Variants in TTYH2 observed in about 807,000 individuals in gnomAD.
TTYH2 encodes the protein protein tweety homolog 2.
TTYH2 carries 49 observed loss-of-function variants against 68.3 expected under a neutral mutation model. That is an observed-to-expected ratio of 0.72 (90% CI 0.57 to 0.91). The LOEUF is 0.91. TTYH2 is among the 40% of genes least tolerant of loss of function. The pLI is 0.00. For missense variants in TTYH2, 631 were observed against 700.4 expected (o/e 0.90, Z 1.12); for synonymous variants, 272 against 300.8 (o/e 0.90, Z 0.99).
chr17:74,234,340 G>A (rs1177675283), intron 3 of TTYH2, among the ~76,000 whole-genome samples: 1 of 152,192 alleles, frequency 6.6e-6, no homozygotes, highest in Non-Finnish European at 1.5e-5. Flanking sequence ...TGTCCCTCCT[G>A]TTCTCAGAGC....
chr17:74,233,291 A>C (rs768416881), intron 3 of TTYH2, among the ~76,000 whole-genome samples: 2 of 152,132 alleles, frequency 1.3e-5, no homozygotes, highest in Non-Finnish European at 2.9e-5. Context: ...GACACCCAGC[A>C]CACCAGTCCT....
At chr17:74,252,014 A>G in intron 10 of TTYH2, 1 of 584,076 alleles carries the variant, frequency 1.7e-6, no homozygotes. Flanking sequence ...CCCAGCTCAC[A>G]GTAAGTGCTC....
At chr17:74,231,413 G>C (rs995110269) in intron 3 of TTYH2, among the ~76,000 whole-genome samples, 1 of 152,206 alleles carries the variant, frequency 6.6e-6, no homozygotes, top group Non-Finnish European at 1.5e-5. Flanking sequence ...ACAACTGAGG[G>C]CTGGGCGTGG....
intron 10 of TTYH2, 173 bp downstream of exon 10, chr17:74,250,530 G>A (rs2050612537): frequency 5.0e-6 from 3 of 605,552 alleles, no homozygotes. Context: ...CTTCTCCAGG[G>A]GCTGAGACAG....
chr17:74,237,364 C>A lies in TTYH2; in HGVS notation c.485C>A (p.Ala162Asp). 6.2e-7 allele frequency: 1 copy of A among 1,614,192 alleles called. No individual in the cohort carries two copies. Among genetic ancestry groups the A allele is most frequent in the South Asian group, 1.1e-5 (1 of 91,084 alleles). The part of the protein sequence containing the change: ...QHLARLSEIF[A>D]ARGDYLQTLK... ...CTGGCCCGGCTCAGTGAGATCTTTG[C>A]TGCCCGGGGCGATTACCTGCAGACC... Residue 162 changes from alanine to aspartate, a missense_variant, in exon 4 of 14, where the codon GCT (alanine) becomes GAT (aspartate). Transcript: ENST00000269346.
chr17:74,239,178 C>T lies in TTYH2; in HGVS notation c.635+1664C>T, dbSNP rs184209581. 7.9e-5 allele frequency among the ~76,000 whole-genome samples: 12 copies of T among 152,316 alleles called. No individual in the cohort carries two copies. Among genetic ancestry groups the T allele is most frequent in the African/African-American group, 1.9e-4 (8 of 41,576 alleles). On this transcript the variant is annotated intron_variant, in intron 4 of 13. Coordinates refer to ENST00000269346, the MANE Select transcript of TTYH2 (RefSeq NM_032646.6). This position sits in a 1 kb window ranked among gnomAD's most constrained non-coding sequence, Gnocchi z 5.3. ...AGCCAGAGGCACTGGACACAATCGG[C>T]GGAGCAGGGACCTGCTGCCCCTCTC...
chr17:74,261,636 G>T lies in TTYH2; in HGVS notation c.*1427G>T, dbSNP rs1348603655. 1 of 152,568 alleles carries T rather than the reference G, an allele frequency of 6.6e-6. No individual in the cohort carries two copies. The highest frequency in any genetic ancestry group is 2.4e-5 in the African/African-American group (1 of 41,436). 9.5% of individuals were successfully genotyped at this position (152,568 alleles called of 1,614,324 possible). The stretch of plus-strand genomic sequence containing the variant: ...CCCACGGCCTCGCACACTGAAGCAG[G>T]GGCGTGCGGTGACTCGGTGCTTCTG... On this transcript the variant is annotated 3_prime_UTR_variant, in exon 14 of 14. Transcript: ENST00000269346.
intron 8 of TTYH2, 109 bp from the exon 9 acceptor site, chr17:74,249,827 C>A: frequency 7.6e-7 from 1 of 1,308,952 alleles, no homozygotes; most frequent in Non-Finnish European, 1.1e-6. Flanking sequence ...GTGGGAGGGG[C>A]AGGAGCATAG....
rs570616625 is a variant in TTYH2, at chr17:74,229,407, A to G, written c.303-1481A>G. ...TAGGACTAGAGGACAGTATTTTCCT[A>G]TTGCCCAAATAAAATGTCCTGTAGA... On this transcript the variant is annotated intron_variant, in intron 2 of 13. Transcript: ENST00000269346. Among the ~76,000 whole-genome samples the G allele has an allele frequency of 1.8e-4, 28 of 152,138 alleles. No individual in the cohort carries two copies. In the East Asian group the frequency reaches 5.2e-3, roughly 28 times the overall value.
At chr17:74,225,643 C>A (rs2050322256) in intron 2 of TTYH2, among the ~76,000 whole-genome samples, 1 of 152,184 alleles carries the variant, frequency 6.6e-6, no homozygotes, top group Non-Finnish European at 1.5e-5. Flanking sequence ...CAGAGGGACA[C>A]AGGGAGAGGC....
Position 74,249,957 on chromosome 17 carries a change from G to A in TTYH2, c.952G>A (p.Ala318Thr), listed in dbSNP as rs754516361. ...TCAGACCCTGACCACCTTCCAGCGC[G>A]CACTTACCACCATGCAGATCCAGGT... ...FQQTLTTFQR[A>T]LTTMQIQVAG... The change falls in exon 9 of 14, where the codon GCA (alanine) becomes ACA (threonine). Residue 318 changes from alanine to threonine, a missense_variant. Transcript: ENST00000269346. The A allele has an allele frequency of 3.1e-5, 50 of 1,613,898 alleles. No individual in the cohort carries two copies. Among genetic ancestry groups the A allele is most frequent in the African/African-American group, 4.0e-5 (3 of 74,878 alleles).
chr17:74,214,083 C>A lies in TTYH2; in HGVS notation c.129+367C>A, dbSNP rs1439449084. On this transcript the variant is annotated intron_variant, in intron 1 of 13. Coordinates refer to ENST00000269346, the MANE Select transcript of TTYH2 (RefSeq NM_032646.6). This position sits in a 1 kb window ranked among gnomAD's most constrained non-coding sequence, Gnocchi z 4.6. ...CGGGGTAATCCTGGCGCGCGAGGTG[C>A]GGGGATGCTGAGGGGTGCCCCGAAG... is the stretch of plus-strand genomic sequence containing the variant. 2.6e-5 allele frequency among the ~76,000 whole-genome samples: 4 copies of A among 152,096 alleles called. No individual in the cohort carries two copies. The highest frequency in any genetic ancestry group is 9.7e-5 in the African/African-American group (4 of 41,416).
intron 1 of TTYH2, among the ~76,000 whole-genome samples, chr17:74,218,670 C>G (rs538484078): frequency 1.3e-5 from 2 of 152,272 alleles, no homozygotes; most frequent in African/African-American, 2.4e-5. Context: ...CAGCGGCTGC[C>G]GAAGGGGGAG....
intron 13 of TTYH2, 123 bp downstream of exon 13, chr17:74,253,956 C>T: frequency 9.7e-7 from 1 of 1,029,700 alleles, no homozygotes; most frequent in Non-Finnish European, 1.5e-6. Context: ...TGAATATGCA[C>T]TAAACCAGAC....
rs760073007 is a variant in TTYH2 at position 74,230,937 on chromosome 17, G to T, written c.352G>T (p.Ala118Ser). 1 of 1,614,072 alleles carries T rather than the reference G, an allele frequency of 6.2e-7. No homozygotes were observed. Among genetic ancestry groups the T allele is most frequent in the African/African-American group, 1.3e-5 (1 of 74,924 alleles). The change falls in exon 3 of 14, where the codon GCG becomes TCG. Residue 118 changes from alanine to serine, a missense_variant. Transcript: ENST00000269346. ...TGGAAACAGCGAGACCAACGATGGG[G>T]CGTACCAGCTGATGTACTCCTTGGA... is the stretch of plus-strand genomic sequence containing the variant. The part of the protein sequence containing the change: ...FYGNSETNDG[A>S]YQLMYSLDDA...
chr17:74,259,823 G>T (rs998582727), intron 13 of TTYH2, among the ~76,000 whole-genome samples: 1 of 152,322 alleles, frequency 6.6e-6, no homozygotes, highest in Admixed American at 6.5e-5. Flanking sequence ...TCTGCCCTCA[G>T]CCTGCTGGCT....
Position 74,253,101 on chromosome 17 carries a change from T to G in TTYH2, c.1280T>G (p.Ile427Ser), listed in dbSNP as rs769759935. ...TCTAGAAACAGAGACTACGATGACA[T>G]TGATGATGATGACCCCTTTAACCCC... ...FTTRNRDYDDIDDDDPFNPQA... is the reference protein window; with the variant it reads ...FTTRNRDYDDSDDDDPFNPQA... Residue 427 changes from isoleucine (I) to serine (S), a missense_variant, in exon 12 of 14, where the codon ATT becomes AGT. Ile to Ser is a moderately radical substitution (Grantham distance 142). Transcript: ENST00000269346. The G allele has an allele frequency of 6.2e-7, 1 of 1,613,342 alleles. No homozygotes were observed. The highest frequency in any genetic ancestry group is 1.3e-5 in the African/African-American group (1 of 74,864).
intron 6 of TTYH2, among the ~76,000 whole-genome samples, chr17:74,246,183 G>A (rs2050556088): frequency 6.6e-6 from 1 of 152,174 alleles, no homozygotes; most frequent in South Asian, 2.1e-4. Flanking sequence ...CCGAGCCTGG[G>A]GACAGAGAAC....
chr17:74,223,824 C>G (rs1305871879), intron 2 of TTYH2, among the ~76,000 whole-genome samples: 1 of 152,130 alleles, frequency 6.6e-6, no homozygotes, highest in Non-Finnish European at 1.5e-5. Flanking sequence ...GCTCTCATAC[C>G]CAGGCAGCTC....
Sources: allele counts gnomAD v4.1 joint callset (sites outside exome capture counted in the v4.1 genomes callset), GRCh38; gene constraint gnomAD v4.1.1; non-coding constraint Gnocchi (gnomAD v3.1); transcripts MANE v1.5; gene names NCBI Gene and HGNC (gene_info 2026-07-23, HGNC 2026-07-21).